FBLN1: variants seen among roughly 807,000 people sequenced by gnomAD.
FBLN1 encodes fibulin-1.
A neutral mutation model predicts 89.7 loss-of-function variants in FBLN1; 34 were observed. The observed-to-expected ratio is 0.38, with a 90% confidence interval of 0.29 to 0.50. The LOEUF is 0.50. Ranked by LOEUF, FBLN1 falls within the 20% of genes least tolerant of loss-of-function variation. The probability of loss-of-function intolerance (pLI) is 0.92; values close to 1 mark genes in which losing one functional copy is unlikely to be tolerated. For missense variants in FBLN1, 777 were observed against 988.1 expected (o/e 0.79, Z 2.86); for synonymous variants, 393 against 391.3 (o/e 1.00, Z -0.05).
intron 1 of FBLN1, among the ~76,000 whole-genome samples, chr22:45,513,584 A>AC (rs56223614): frequency 0.078 from 11,772 of 151,750 alleles, 527 homozygotes; most frequent in African/African-American, 0.099. Context: ...AATCATCACC[A>AC]CCTCCATCTC....
At chr22:45,546,298 A>G (rs531151378) in intron 11 of FBLN1, among the ~76,000 whole-genome samples, 6 of 151,952 alleles carry the variant, frequency 3.9e-5, no homozygotes, top group Non-Finnish European at 7.4e-5. Flanking sequence ...GCTCACTGCA[A>G]CCTCTGCCTC....
chr22:45,529,664 G>A (rs776998451), intron 4 of FBLN1, among the ~76,000 whole-genome samples: 1 of 152,154 alleles, frequency 6.6e-6, no homozygotes, highest in African/African-American at 2.4e-5. Context: ...TCAGGAGTTC[G>A]AGACTAGCCT....
chr22:45,585,169 C>T (rs2089073969), intron 16 of FBLN1, among the ~76,000 whole-genome samples: 1 of 152,168 alleles, frequency 6.6e-6, no homozygotes, highest in African/African-American at 2.4e-5. Flanking sequence ...ATGTGTTGTG[C>T]ACTGCAAAAT....
At chr22:45,559,288 C>T (rs114386726) in intron 14 of FBLN1, among the ~76,000 whole-genome samples, 1,604 of 152,330 alleles carry the variant, frequency 0.011, 38 homozygotes, top group African/African-American at 0.037. Flanking sequence ...AATCCGCTGC[C>T]GTTCACCAAG....
Position 45,542,145 on chromosome 22 carries a change from C to T in FBLN1, c.1067-10C>T. The T allele has an allele frequency of 1.2e-6, 2 of 1,614,178 alleles. No homozygotes were observed. The highest frequency in any genetic ancestry group is 1.7e-5 in the Admixed American group (1 of 60,030). On this transcript the variant is annotated splice_polypyrimidine_tract_variant and intron_variant, in intron 9 of 16. Transcript: ENST00000327858. Reference sequence around the variant, plus strand: ...AGGTTTTCATCATGGCTTTCTTTCTCCTTTGCAAGATGTGGACGAGTGCGC... The same window carrying T: ...AGGTTTTCATCATGGCTTTCTTTCTTCTTTGCAAGATGTGGACGAGTGCGC...
chr22:45,594,854 G>GTGGGTGGATGGA (rs747851349), intron 16 of FBLN1, among the ~76,000 whole-genome samples: 1 of 150,784 alleles, frequency 6.6e-6, no homozygotes, highest in African/African-American at 2.5e-5. Context: ...GAGTGGGTGG[G>GTGGGTGGATGGA]TGGATGGATG....
In FBLN1 at chr22:45,533,089, C is replaced by T. The variant is rs1169120464; in HGVS notation, c.571C>T (p.Arg191Ter). 1.2e-6 allele frequency: 2 copies of T among 1,614,176 alleles called. No homozygotes were observed. The highest frequency in any genetic ancestry group is 1.7e-6 in the Non-Finnish European group (2 of 1,180,018). The stretch of plus-strand genomic sequence containing the variant: ...AGGCGGGCCCTGCAAGCAGCAGTGC[C>T]GAGACACGGGTGACGAGGTGGTCTG... ...RGGGPCKQQC[R>*]DTGDEVVCSC... is the part of the protein sequence containing the mutation. Residue 191 changes from arginine (R) to a stop codon, truncating the protein, a stop_gained, in exon 6 of 17, where the codon CGA becomes TGA. Transcript: ENST00000327858. LOFTEE classifies it high-confidence loss of function.
chr22:45,519,254 C>A (rs545916851), intron 2 of FBLN1, among the ~76,000 whole-genome samples: 1 of 152,130 alleles, frequency 6.6e-6, no homozygotes, highest in Admixed American at 6.6e-5. Context: ...ACATCTGGAT[C>A]GACCGTTTTT....
intron 16 of FBLN1, among the ~76,000 whole-genome samples, chr22:45,587,119 T>C (rs548458092): frequency 6.6e-6 from 1 of 152,232 alleles, no homozygotes; most frequent in East Asian, 1.9e-4. Flanking sequence ...CCCCTCGTCA[T>C]GTACGTGCGC....
chr22:45,555,292 A>ATATATATAT (rs1569254431), intron 14 of FBLN1, among the ~76,000 whole-genome samples: 10 of 141,772 alleles, frequency 7.1e-5, no homozygotes, highest in African/African-American at 2.6e-4. Flanking sequence ...TATATATATA[A>ATATATATAT]AATGGAATAT....
At chr22:45,541,984 A>G (rs2146980989) in intron 9 of FBLN1, among the ~76,000 whole-genome samples, 171 bp from the exon 10 acceptor site, 1 of 152,308 alleles carries the variant, frequency 6.6e-6, no homozygotes, top group South Asian at 2.1e-4. Flanking sequence ...TGGGTCAGCT[A>G]TCTTCCCAGT....
In FBLN1 at chr22:45,545,653, C is replaced by T. The variant is rs888275765; in HGVS notation, c.1322-1432C>T. On this transcript the variant is annotated intron_variant, in intron 11 of 16. Coordinates refer to ENST00000327858, the MANE Select transcript of FBLN1 (RefSeq NM_006486.3). This position sits in a 1 kb window ranked among gnomAD's most constrained non-coding sequence, Gnocchi z 5.9. Reference sequence around the variant, plus strand: ...GTCCTGCACTGGGGAGTGTCTCTAGCGGGGGATGAGAGACCACACTGGACA... The same window carrying T: ...GTCCTGCACTGGGGAGTGTCTCTAGTGGGGGATGAGAGACCACACTGGACA... 2.0e-5 allele frequency among the ~76,000 whole-genome samples: 3 copies of T among 152,044 alleles called. No individual in the cohort carries two copies. The highest frequency in any genetic ancestry group is 1.9e-4 in the East Asian group (1 of 5,200).
intron 2 of FBLN1, chr22:45,523,185 G>A (rs370899691): frequency 1.4e-4 from 107 of 778,448 alleles, no homozygotes; most frequent in Admixed American, 4.9e-4. Flanking sequence ...AACAGCCAGC[G>A]CAAGAGCCCA....
intron 14 of FBLN1, among the ~76,000 whole-genome samples, chr22:45,564,655 T>A (rs763271334): frequency 5.4e-4 from 82 of 152,370 alleles, no homozygotes; most frequent in Non-Finnish European, 9.8e-4. Context: ...CAGGCTGCGG[T>A]TCCTGTTGAC....
At chr22:45,539,285 C>T (rs1349490484) in intron 8 of FBLN1, among the ~76,000 whole-genome samples, 2 of 149,884 alleles carry the variant, frequency 1.3e-5, no homozygotes, top group Non-Finnish European at 3.0e-5. Context: ...CTGCAACCTC[C>T]ACCCTGCTGG....
At chr22:45,546,571 C>A (rs1405055256) in intron 11 of FBLN1, among the ~76,000 whole-genome samples, 2 of 152,204 alleles carry the variant, frequency 1.3e-5, no homozygotes, top group Non-Finnish European at 2.9e-5. Flanking sequence ...AAATTTGGCC[C>A]ATAGACTATG....
intron 1 of FBLN1, among the ~76,000 whole-genome samples, chr22:45,518,267 TG>T (rs2088198054): frequency 6.6e-6 from 1 of 152,160 alleles, no homozygotes; most frequent in Non-Finnish European, 1.5e-5. Flanking sequence ...CCTGCTGGGC[TG>T]GGCTGGCCGG....
intron 14 of FBLN1, among the ~76,000 whole-genome samples, chr22:45,554,313 G>A (rs1169856396): frequency 1.3e-5 from 2 of 152,180 alleles, no homozygotes; most frequent in Non-Finnish European, 2.9e-5. Flanking sequence ...CTCCTCAGAG[G>A]CCCCCCTGGG....
chr22:45,547,789 T>C (rs2088651475), intron 12 of FBLN1, among the ~76,000 whole-genome samples: 1 of 151,940 alleles, frequency 6.6e-6, no homozygotes, highest in South Asian at 2.1e-4. Flanking sequence ...TTAATAAATG[T>C]GCACGGCGGT....
Sources: gnomAD v4.1 joint callset for allele counts (sites outside exome capture counted in the v4.1 genomes callset) on GRCh38, gnomAD v4.1.1 for gene constraint, Gnocchi (gnomAD v3.1) non-coding constraint, MANE v1.5 for transcripts, NCBI Gene and HGNC (gene_info 2026-07-23, HGNC 2026-07-21) for gene names.